The following PTPRN2 variants were observed in gnomAD, a reference collection of about 807,000 sequenced individuals.
PTPRN2 encodes protein tyrosine phosphatase receptor type N2.
A neutral mutation model predicts 118.8 loss-of-function variants in PTPRN2; 74 were observed. The observed-to-expected ratio is 0.62, with a 90% CI of 0.52 to 0.76. The LOEUF (loss-of-function observed/expected upper bound fraction) is 0.76. Ranked by LOEUF, PTPRN2 falls within the 30% of genes least tolerant of loss-of-function variation. PTPRN2 has a pLI of 0.00. For missense variants in PTPRN2, 1,481 were observed against 1,394.4 expected (o/e 1.06, Z -0.99); for synonymous variants, 641 against 608.0 (o/e 1.05, Z -0.80).
At chr7:158,146,635 G>A (rs1318243627) in intron 6 of PTPRN2, among the ~76,000 whole-genome samples, 3 of 149,650 alleles carry the variant, frequency 2.0e-5, no homozygotes, top group Non-Finnish European at 4.4e-5. Context: ...GCAGAAGAAT[G>A]GTGTGAACCC....
At chr7:158,318,364 TAGAA>T (rs985448030) in intron 2 of PTPRN2, among the ~76,000 whole-genome samples, 3 of 151,964 alleles carry the variant, frequency 2.0e-5, no homozygotes, top group African/African-American at 7.3e-5. Context: ...ATCTTGAAAA[TAGAA>T]AGGCAACAAG....
At position 157,583,134 on chromosome 7, in the gene PTPRN2, C is replaced by G. The variant is rs905400405; in HGVS notation, c.2497-4994G>C. On this transcript the variant is annotated intron_variant, in intron 17 of 22. Coordinates refer to ENST00000389418, the MANE Select transcript of PTPRN2 (RefSeq NM_002847.5). The surrounding 1 kb of genome is among the most constrained non-coding windows in gnomAD (Gnocchi z 5.5). ...GGTATATACACAATGAAATATTATT[C>G]AGCCTTAAGAAAGAATGAACTCCTG... 6.6e-6 allele frequency among the ~76,000 whole-genome samples: 1 copy of G among 152,094 alleles called. No individual in the cohort carries two copies. The highest frequency in any genetic ancestry group is 1.5e-5 in the Non-Finnish European group (1 of 67,994).
chr7:158,337,802 G>A (rs1477537562), intron 2 of PTPRN2, among the ~76,000 whole-genome samples: 2 of 9,666 alleles, frequency 2.1e-4, no homozygotes, highest in African/African-American at 1.9e-4. Context: ...CACCATAAGA[G>A]GTGACGCCCA....
Position 158,552,483 on chromosome 7 carries a change from G to A in PTPRN2, c.112+35075C>T, listed in dbSNP as rs186197100. On this transcript the variant is annotated intron_variant, in intron 1 of 22. Transcript: ENST00000389418. Reference sequence around the variant, plus strand: ...CTCTGTAGCCTAGGCTGGAGTGCGGGCTGGAGTGTAGGCTGGAGTGCACTG... The same window carrying A: ...CTCTGTAGCCTAGGCTGGAGTGCGGACTGGAGTGTAGGCTGGAGTGCACTG... Among the ~76,000 whole-genome samples the A allele has an allele frequency of 2.0e-4, 31 of 152,302 alleles. No homozygotes were observed. The East Asian group carries it at 5.6e-3, about 27-fold the overall frequency.
At chr7:157,543,697 A>G (rs221261) in intron 22 of PTPRN2, among the ~76,000 whole-genome samples, 147,533 of 152,340 alleles carry the variant, frequency 0.97, 71,472 homozygotes, top group Middle Eastern at 1. Flanking sequence ...AACCTTAAAG[A>G]GGACCTCAGT....
At chr7:158,222,756 T>C (rs1828466610) in intron 3 of PTPRN2, among the ~76,000 whole-genome samples, 1 of 152,036 alleles carries the variant, frequency 6.6e-6, no homozygotes, top group Admixed American at 6.6e-5. Flanking sequence ...ATCAATAATC[T>C]GAATTCTTTA....
At chr7:157,899,437 G>C (rs868660709) in intron 11 of PTPRN2, among the ~76,000 whole-genome samples, 21 of 152,168 alleles carry the variant, frequency 1.4e-4, no homozygotes, top group Middle Eastern at 6.3e-3. Flanking sequence ...AGAGAGGACG[G>C]GTGTCACAAG....
chr7:157,608,844 T>C (rs975432427), intron 15 of PTPRN2, among the ~76,000 whole-genome samples: 2 of 152,102 alleles, frequency 1.3e-5, no homozygotes, highest in African/African-American at 4.8e-5. Flanking sequence ...CACAGAGCAA[T>C]GGCGGGAACC....
intron 3 of PTPRN2, 29 bp downstream of exon 3, chr7:158,316,790 C>T (rs761195980): frequency 7.1e-6 from 11 of 1,545,390 alleles, no homozygotes; most frequent in African/African-American, 5.4e-5. Context: ...GTGCGGCAGC[C>T]GCCGAGCCTC....
chr7:157,821,769 T>A (rs1183932456), intron 12 of PTPRN2, among the ~76,000 whole-genome samples: 1 of 151,904 alleles, frequency 6.6e-6, no homozygotes, highest in Non-Finnish European at 1.5e-5. Flanking sequence ...GGAAGACAAA[T>A]AAACCAGAGG....
chr7:158,541,765 G>A (rs150348488), intron 1 of PTPRN2: 58 of 1,190,008 alleles, frequency 4.9e-5, no homozygotes, highest in Middle Eastern at 3.8e-4. Context: ...GGCTGCGGAC[G>A]CATAAAAGGG....
intron 1 of PTPRN2, among the ~76,000 whole-genome samples, chr7:158,564,419 T>C (rs28647501): frequency 6.6e-6 from 1 of 152,134 alleles, no homozygotes; most frequent in African/African-American, 2.4e-5. Context: ...CTGAGCTGAC[T>C]CCCACCTCCA....
chr7:158,107,967 C>T (rs1815821192), intron 10 of PTPRN2, among the ~76,000 whole-genome samples: 1 of 151,646 alleles, frequency 6.6e-6, no homozygotes, highest in Non-Finnish European at 1.5e-5. Context: ...GATGCACCTG[C>T]CCCCTCCCTC....
intron 3 of PTPRN2, among the ~76,000 whole-genome samples, chr7:158,263,158 TCACACATTCACACACACTGCA>T (rs1383751650): frequency 1.4e-5 from 2 of 145,346 alleles, no homozygotes; most frequent in African/African-American, 5.2e-5. Context: ...CTGCACACAG[TCACACATTCACACACACTGCA>T]CACACATTCA....
intron 2 of PTPRN2, among the ~76,000 whole-genome samples, chr7:158,359,547 A>G (rs1018567572): frequency 1.3e-5 from 2 of 152,180 alleles, no homozygotes; most frequent in African/African-American, 4.8e-5. Context: ...CAGCCTGAGG[A>G]CAACTTTCAG....
Position 157,944,501 on chromosome 7 carries a change from G to A in PTPRN2, c.1724-45764C>T, listed in dbSNP as rs1251298649. ...TTGGAAAATTCTTCTTTTTAAAAAA[G>A]TTTCATGGAAAAAGCTTCCTGCAAG... On this transcript the variant is annotated intron_variant, in intron 11 of 22. Coordinates refer to ENST00000389418, the MANE Select transcript of PTPRN2 (RefSeq NM_002847.5). This position sits in a 1 kb window ranked among gnomAD's most constrained non-coding sequence, Gnocchi z 4.3. 6.6e-6 allele frequency among the ~76,000 whole-genome samples: 1 copy of A among 152,206 alleles called. No homozygotes were observed. The highest frequency in any genetic ancestry group is 2.4e-5 in the African/African-American group (1 of 41,458).
chr7:157,999,125 C>T (rs576791789), intron 11 of PTPRN2, among the ~76,000 whole-genome samples: 13 of 152,142 alleles, frequency 8.5e-5, no homozygotes, highest in African/African-American at 2.9e-4. Flanking sequence ...ACGTGAGCCT[C>T]ATGCCAGAGA....
chr7:157,993,777 G>A (rs960597116), intron 11 of PTPRN2, among the ~76,000 whole-genome samples: 1 of 152,154 alleles, frequency 6.6e-6, no homozygotes, highest in African/African-American at 2.4e-5. Context: ...TGAGATGAGT[G>A]TTGACCCTAC....
intron 2 of PTPRN2, among the ~76,000 whole-genome samples, chr7:158,480,303 T>C (rs576076311): frequency 6.6e-6 from 1 of 152,304 alleles, no homozygotes; most frequent in South Asian, 2.1e-4. Context: ...TGTCATTGTT[T>C]TGGGGCACCA....
Sources: gnomAD v4.1 joint callset for allele counts (sites outside exome capture counted in the v4.1 genomes callset) on GRCh38, gnomAD v4.1.1 for gene constraint, Gnocchi (gnomAD v3.1) non-coding constraint, MANE v1.5 for transcripts, NCBI Gene and HGNC (gene_info 2026-07-23, HGNC 2026-07-21) for gene names.